Variants in RFX6 observed in about 807,000 individuals in gnomAD.
The protein encoded by RFX6 is regulatory factor X6.
Under a neutral mutation model 110.8 loss-of-function variants are expected in RFX6, and 50 were observed. The ratio of observed to expected loss-of-function variants is 0.45; its 90% CI spans 0.36 to 0.57. The LOEUF (loss-of-function observed/expected upper bound fraction) is 0.57, where lower values mean the gene tolerates loss of function less well. Among genes scored for constraint, RFX6 ranks in the 20% least tolerant of loss-of-function variants. The probability of loss-of-function intolerance (pLI) is 0.00; values close to 1 mark genes in which losing one functional copy is unlikely to be tolerated. For missense variants in RFX6, 990 were observed against 1,127.0 expected (o/e 0.88, Z 1.74); for synonymous variants, 383 against 411.2 (o/e 0.93, Z 0.83).
Position 116,877,371 on chromosome 6 carries a change from C to G in RFX6, c.96C>G (p.Leu32=), listed in dbSNP as rs750505937. 6.2e-7 allele frequency: 1 copy of G among 1,611,488 alleles called. No homozygotes were observed. The highest frequency in any genetic ancestry group is 2.2e-5 in the East Asian group (1 of 44,740). ...TCCAGGAAGACTGCTGTGTGCAGCT[C>G]CTGGGCAAGGGCTTGCTAGTCTATC... The part of the protein sequence containing the change: ...PGIQEDCCVQ[L]LGKGLLVYPE... Residue 32 remains leucine, a synonymous_variant, in exon 1 of 19, where the codon CTC becomes CTG. Coordinates refer to ENST00000332958, the MANE Select transcript of RFX6 (RefSeq NM_173560.4).
At chr6:116,914,796 C>G (rs1245824363) in intron 7 of RFX6, among the ~76,000 whole-genome samples, 1 of 152,192 alleles carries the variant, frequency 6.6e-6, no homozygotes, top group East Asian at 1.9e-4. Context: ...TAGCTGACAT[C>G]CATCAGTTTC....
intron 6 of RFX6, among the ~76,000 whole-genome samples, chr6:116,900,793 T>C (rs1004494045): frequency 1.3e-5 from 2 of 152,260 alleles, no homozygotes; most frequent in Non-Finnish European, 1.5e-5. Context: ...TTTGTGTGGC[T>C]GAATATTATT....
At chr6:116,893,851 C>T in intron 4 of RFX6, 136 bp from the exon 5 acceptor site, 1 of 707,284 alleles carries the variant, frequency 1.4e-6, no homozygotes, top group Non-Finnish European at 2.6e-6. Context: ...TGCTGCCTAC[C>T]TGAAAAATGT....
chr6:116,877,635 G>A, intron 1 of RFX6, 137 bp downstream of exon 1: 1 of 1,063,574 alleles, frequency 9.4e-7, no homozygotes, highest in Non-Finnish European at 1.4e-6. Context: ...TATTTCCTCA[G>A]TAAAATGTCA....
At chr6:116,902,678 C>T (rs1775101027) in intron 6 of RFX6, among the ~76,000 whole-genome samples, 1 of 151,970 alleles carries the variant, frequency 6.6e-6, no homozygotes. Context: ...GGAATGGGTC[C>T]ATTGATTTCA....
chr6:116,894,343 A>G (rs1774894601), intron 5 of RFX6, among the ~76,000 whole-genome samples: 1 of 152,208 alleles, frequency 6.6e-6, no homozygotes, highest in Non-Finnish European at 1.5e-5. Context: ...GTATTTACTA[A>G]TAAAGCAAAG....
intron 4 of RFX6, among the ~76,000 whole-genome samples, chr6:116,887,068 TAACAA>T (rs966982231): frequency 2.0e-5 from 3 of 151,124 alleles, no homozygotes; most frequent in Admixed American, 1.3e-4. Context: ...TCTCAAAACA[TAACAA>T]AACAAAACAA....
In RFX6 at chr6:116,880,562, T is replaced by G; in HGVS notation, c.399T>G (p.Ile133Met). 6.2e-7 allele frequency: 1 copy of G among 1,612,920 alleles called. No homozygotes were observed. The highest frequency in any genetic ancestry group is 8.5e-7 in the Non-Finnish European group (1 of 1,179,136). ...TTCTTAGGCTTGAAGAGAATTACATTGTATGTGAAGGAGTTTGCTTACCAC... is the reference window on the plus strand; with the variant it reads ...TTCTTAGGCTTGAAGAGAATTACATGGTATGTGAAGGAGTTTGCTTACCAC... The part of the protein sequence containing the change: ...LTLQWLEENY[I>M]VCEGVCLPRC... Residue 133 changes from isoleucine (I) to methionine (M), a missense_variant, in exon 3 of 19, where the codon ATT becomes ATG. Ile to Met is a conservative substitution (Grantham distance 10, BLOSUM62 1). Around this residue, in one of 5 missense-constraint regions of RFX6, gnomAD observed 175 missense variants for 162.3 expected, o/e 1.08. Transcript: ENST00000332958.
chr6:116,906,859 TG>T lies in RFX6; in HGVS notation c.673-4075del, dbSNP rs1339893499. On this transcript the variant is annotated intron_variant, in intron 6 of 18. Transcript: ENST00000332958. ...TCAATTTGGATGCCTTGTGTTTTTT[TG>T]TTTTTTTTTTTTTGCCTAACTACTC... 3.9e-4 allele frequency among the ~76,000 whole-genome samples: 46 copies of T among 118,058 alleles called. No homozygotes were observed. The South Asian group carries it at 0.011, about 29-fold the overall frequency. 77.5% of individuals were successfully genotyped at this position (118,058 alleles called of 152,430 possible). A position where few individuals can be genotyped will look rare whatever the true frequency, so the allele number is the denominator to read the frequency against.
chr6:116,909,735 C>CTTTTTT lies in RFX6; in HGVS notation c.673-1176_673-1171dup, dbSNP rs59264999. ...TTTTAAATATAAAGCTCATTTAAAT[C>CTTTTTT]TTTTTTTTTTTTTTTTTTTTTTTTT... On this transcript the variant is annotated intron_variant, in intron 6 of 18. Transcript: ENST00000332958. 3.9e-4 allele frequency among the ~76,000 whole-genome samples: 26 copies of CTTTTTT among 67,382 alleles called. 3 individuals are homozygous for CTTTTTT. Among genetic ancestry groups the CTTTTTT allele is most frequent in the African/African-American group, 9.1e-4 (15 of 16,512 alleles). The allele number at this position is 67,382 out of a possible 152,430, so 44.2% of individuals were successfully genotyped here.
At chr6:116,913,350 C>A (rs962452776) in intron 7 of RFX6, among the ~76,000 whole-genome samples, 5 of 152,214 alleles carry the variant, frequency 3.3e-5, no homozygotes, top group Admixed American at 3.3e-4. Context: ...GCGTAAGCCA[C>A]CGCGCCCAGC....
intron 6 of RFX6, 84 bp downstream of exon 6, chr6:116,895,291 C>A (rs575937460): frequency 2.2e-5 from 17 of 763,842 alleles, no homozygotes; most frequent in African/African-American, 3.5e-5. Flanking sequence ...TTCCCTTTGG[C>A]AAATGTAGAA....
chr6:116,892,339 G>C (rs2114671346), intron 4 of RFX6, among the ~76,000 whole-genome samples: 1 of 152,298 alleles, frequency 6.6e-6, no homozygotes, highest in Non-Finnish European at 1.5e-5. Flanking sequence ...ATGAGGCAGG[G>C]AGTCCATAGC....
rs375617055 is a variant in RFX6 at position 116,925,483 on chromosome 6, C to T, written c.1709C>T (p.Pro570Leu). ...AGTAAAGCTGCTTTCACTGCTTCTCCGAGTTCATGCTTTCTGGCCAACCGT... is the reference window on the plus strand; with the variant it reads ...AGTAAAGCTGCTTTCACTGCTTCTCTGAGTTCATGCTTTCTGGCCAACCGT... Reference protein sequence around the residue: ...DASKAAFTASPSSCFLANRNK... With the variant: ...DASKAAFTASLSSCFLANRNK... The change falls in exon 16 of 19, where the codon CCG becomes CTG. Residue 570 changes from proline (P) to leucine (L), a missense_variant. Pro to Leu is a moderately conservative substitution (Grantham distance 98). This residue lies in a region of RFX6 where 89 missense variants were observed against 140.3 expected (regional missense o/e 0.63). Transcript: ENST00000332958. 29 of 1,613,974 alleles carry T rather than the reference C, an allele frequency of 1.8e-5. No individual in the cohort carries two copies. In the Admixed American group the frequency reaches 1.8e-4, roughly 10 times the overall value.
intron 13 of RFX6, among the ~76,000 whole-genome samples, chr6:116,922,376 C>T (rs539946064): frequency 1.3e-5 from 2 of 151,968 alleles, no homozygotes; most frequent in East Asian, 1.9e-4. Context: ...CCTTTCTTGC[C>T]GAAAGACTAC....
At chr6:116,926,962 T>C in intron 16 of RFX6, 65 bp from the exon 17 acceptor site, 1 of 1,373,072 alleles carries the variant, frequency 7.3e-7, no homozygotes, top group South Asian at 1.2e-5. Context: ...TTGAATATTT[T>C]TTAAAGATGT....
At chr6:116,921,905 T>C (rs1222682507) in intron 12 of RFX6, 137 bp from the exon 13 acceptor site, 5 of 635,318 alleles carry the variant, frequency 7.9e-6, no homozygotes, top group African/African-American at 1.8e-5. Context: ...TATTAATTCT[T>C]TTCACACATT....
At chr6:116,905,911 A>T (rs4946202) in intron 6 of RFX6, among the ~76,000 whole-genome samples, 108,771 of 151,838 alleles carry the variant, frequency 0.72, 39,281 homozygotes, top group East Asian at 0.88. Flanking sequence ...CCTATATAAA[A>T]TTTTTTTTCC....
chr6:116,881,116 C>T (rs74996370), intron 3 of RFX6, among the ~76,000 whole-genome samples: 2,327 of 152,114 alleles, frequency 0.015, 26 homozygotes, highest in Non-Finnish European at 0.025. Context: ...TCTATGTTTA[C>T]ATTCCAAATC....
Sources: allele counts gnomAD v4.1 joint callset (sites outside exome capture counted in the v4.1 genomes callset), GRCh38; gene constraint gnomAD v4.1.1; regional missense constraint gnomAD v4.1.1; transcripts MANE v1.5; gene names NCBI Gene and HGNC (gene_info 2026-07-23, HGNC 2026-07-21).